The following GALNT17 variants were observed in gnomAD, a reference collection of about 807,000 sequenced individuals.
GALNT17 encodes UDP-GalNAc:polypeptide N-acetylgalactosaminyltransferase-like 3.
In GALNT17, 29 loss-of-function variants were observed where a neutral mutation model predicts 63.7. The ratio of observed to expected loss-of-function variants is 0.46; its 90% CI spans 0.34 to 0.62. The LOEUF is 0.62. Among genes scored for constraint, GALNT17 ranks in the 20% least tolerant of loss-of-function variants. The pLI is 0.01. For synonymous variants in GALNT17, 305 were observed against 318.3 expected, an observed-to-expected ratio of 0.96 and a Z score of 0.45; for missense variants, 603 against 799.6, an observed-to-expected ratio of 0.75 and a Z score of 2.97.
chr7:71,172,526 C>T (rs1788564520), intron 1 of GALNT17, among the ~76,000 whole-genome samples: 1 of 151,776 alleles, frequency 6.6e-6, no homozygotes, highest in South Asian at 2.1e-4. Context: ...CTCTAAGAAC[C>T]CTGAAATAAA....
At chr7:71,546,852 A>T (rs768208322) in intron 5 of GALNT17, among the ~76,000 whole-genome samples, 9 of 152,278 alleles carry the variant, frequency 5.9e-5, no homozygotes, top group Non-Finnish European at 1.2e-4. Flanking sequence ...CAAGGGCACC[A>T]TGGTTAGGCC....
At chr7:71,377,085 C>CAAAAAAAAAAAAAAAAAA (rs34111153) in intron 2 of GALNT17, among the ~76,000 whole-genome samples, 1 of 18,548 alleles carries the variant, frequency 5.4e-5, no homozygotes, top group Admixed American at 9.2e-4. Context: ...TATTCCATCT[C>CAAAAAAAAAAAAAAAAAA]AAAAAAAAAA....
intron 5 of GALNT17, among the ~76,000 whole-genome samples, chr7:71,538,568 G>A (rs535870477): frequency 2.6e-5 from 4 of 152,174 alleles, no homozygotes; most frequent in Non-Finnish European, 5.9e-5. Flanking sequence ...CAGTGCCTGC[G>A]AAAGATCTTT....
intron 6 of GALNT17, among the ~76,000 whole-genome samples, chr7:71,577,003 C>T (rs1056168647): frequency 6.6e-6 from 1 of 152,156 alleles, no homozygotes; most frequent in Non-Finnish European, 1.5e-5. Context: ...AAATGTGGTA[C>T]GTAGACACCA....
At chr7:71,354,670 C>T (rs1413414800) in intron 2 of GALNT17, among the ~76,000 whole-genome samples, 1 of 151,978 alleles carries the variant, frequency 6.6e-6, no homozygotes, top group East Asian at 1.9e-4. Flanking sequence ...ATTTGTAATT[C>T]ATTCTCTCTC....
At chr7:71,304,053 C>T (rs1191516431) in intron 1 of GALNT17, among the ~76,000 whole-genome samples, 1 of 152,130 alleles carries the variant, frequency 6.6e-6, no homozygotes, top group Non-Finnish European at 1.5e-5. Context: ...AGAATGTAGA[C>T]AGAGCTTTTC....
intron 3 of GALNT17, among the ~76,000 whole-genome samples, chr7:71,399,510 C>T (rs925252544): frequency 6.6e-6 from 1 of 152,124 alleles, no homozygotes; most frequent in Non-Finnish European, 1.5e-5. Context: ...AATTTCATGG[C>T]TGTTGTCTTG....
intron 3 of GALNT17, among the ~76,000 whole-genome samples, chr7:71,413,720 G>A (rs540044469): frequency 6.6e-6 from 1 of 152,200 alleles, no homozygotes; most frequent in South Asian, 2.1e-4. Context: ...TGTCTGAATT[G>A]TCTTTGAGCA....
At chr7:71,423,102 G>A (rs765601344) in intron 5 of GALNT17, among the ~76,000 whole-genome samples, 1 of 152,174 alleles carries the variant, frequency 6.6e-6, no homozygotes, top group Non-Finnish European at 1.5e-5. Flanking sequence ...GCCCACTGTG[G>A]TCCCGGGTTT....
chr7:71,578,028 TA>T (rs1046255716), intron 6 of GALNT17, among the ~76,000 whole-genome samples: 3 of 142,890 alleles, frequency 2.1e-5, no homozygotes, highest in African/African-American at 8.5e-5. Context: ...TTTATTTATT[TA>T]TTTATTTATT....
At chr7:71,662,019 T>A (rs1380285760) in intron 6 of GALNT17, among the ~76,000 whole-genome samples, 1 of 152,098 alleles carries the variant, frequency 6.6e-6, no homozygotes. Flanking sequence ...TCCTAACAGC[T>A]ACATCCACTT....
At chr7:71,611,512 C>T (rs1049760412) in intron 6 of GALNT17, among the ~76,000 whole-genome samples, 2 of 152,158 alleles carry the variant, frequency 1.3e-5, no homozygotes, top group Non-Finnish European at 1.5e-5. Flanking sequence ...TGCCCTGACC[C>T]ACTTCCTTTA....
chr7:71,375,491 T>G (rs945097060), intron 2 of GALNT17, among the ~76,000 whole-genome samples: 1 of 152,168 alleles, frequency 6.6e-6, no homozygotes, highest in Admixed American at 6.5e-5. Flanking sequence ...CACACCTCAC[T>G]GCAGCCTCGA....
intron 5 of GALNT17, among the ~76,000 whole-genome samples, chr7:71,422,847 G>A (rs181003066): frequency 1.3e-5 from 2 of 152,334 alleles, no homozygotes; most frequent in East Asian, 1.9e-4. Context: ...TAGAGAATGA[G>A]TGCAAGGTGT....
chr7:71,237,909 TA>T (rs1485408425), intron 1 of GALNT17, among the ~76,000 whole-genome samples: 36 of 152,160 alleles, frequency 2.4e-4, no homozygotes, highest in Non-Finnish European at 1.5e-5. Flanking sequence ...GGGGATGCGT[TA>T]GGGGGCACCC....
chr7:71,693,205 G>GTA (rs1435384707), intron 9 of GALNT17, among the ~76,000 whole-genome samples: 1 of 135,574 alleles, frequency 7.4e-6, no homozygotes. Flanking sequence ...TATAGTGTGT[G>GTA]TATATATATC....
At chr7:71,502,983 T>C (rs1361876670) in intron 5 of GALNT17, among the ~76,000 whole-genome samples, 1 of 152,164 alleles carries the variant, frequency 6.6e-6, no homozygotes, top group Non-Finnish European at 1.5e-5. Context: ...TTCTTGGTCA[T>C]TAGCCCCCTG....
chr7:71,227,174 CAAAAAAAAAAAA>C (rs58450619), intron 1 of GALNT17, among the ~76,000 whole-genome samples: 2 of 60,816 alleles, frequency 3.3e-5, no homozygotes, highest in African/African-American at 5.3e-5. Flanking sequence ...ACCGTCTCTA[CAAAAAAAAAAAA>C]AAAAAAAAAA....
At chr7:71,701,870 C>CACATATATATATGTAT (rs1791649878) in intron 9 of GALNT17, among the ~76,000 whole-genome samples, 3 of 46,734 alleles carry the variant, frequency 6.4e-5, no homozygotes, top group Non-Finnish European at 1.7e-4. Flanking sequence ...TATATATATA[C>CACATATATATATGTAT]ATATATATAT....
Sources: gnomAD v4.1 joint callset for allele counts (sites outside exome capture counted in the v4.1 genomes callset) on GRCh38, gnomAD v4.1.1 for gene constraint, MANE v1.5 for transcripts, NCBI Gene and HGNC (gene_info 2026-07-23, HGNC 2026-07-21) for gene names.